The following RASAL2 variants were observed in gnomAD, a reference collection of about 807,000 sequenced individuals.
RASAL2 encodes the protein RAS protein activator like 2.
RASAL2 carries 58 observed loss-of-function variants against 128.9 expected under a neutral mutation model. That is an observed-to-expected ratio of 0.45 (90% CI 0.36 to 0.56). RASAL2 has a LOEUF of 0.56. Ranked by LOEUF, RASAL2 falls within the 20% of genes least tolerant of loss-of-function variation. The pLI, the probability that RASAL2 is intolerant of heterozygous loss-of-function variation, is 0.00. For synonymous variants in RASAL2, 561 were observed against 580.8 expected, an observed-to-expected ratio of 0.97 and a Z score of 0.49; for missense variants, 1,360 against 1,601.6, an observed-to-expected ratio of 0.85 and a Z score of 2.57.
intron 4 of RASAL2, among the ~76,000 whole-genome samples, chr1:178,392,789 C>T (rs187207673): frequency 3.3e-5 from 5 of 152,140 alleles, no homozygotes; most frequent in Non-Finnish European, 1.5e-5. Context: ...CAAGGAGAAG[C>T]CAGTGGGTAA....
chr1:178,205,509 C>A (rs1285244859), intron 1 of RASAL2, among the ~76,000 whole-genome samples: 3 of 152,014 alleles, frequency 2.0e-5, no homozygotes. Flanking sequence ...GTAATCCCAG[C>A]ACTTTGGGAG....
chr1:178,464,507 AT>A (rs1160500550), intron 15 of RASAL2, 95 bp downstream of exon 15: 1 of 1,406,754 alleles, frequency 7.1e-7, no homozygotes, highest in African/African-American at 1.4e-5. Context: ...TCCCACCCCC[AT>A]CTTCACCTCT....
At chr1:178,172,177 A>G (rs1275685034) in intron 1 of RASAL2, among the ~76,000 whole-genome samples, 1 of 152,044 alleles carries the variant, frequency 6.6e-6, no homozygotes. Flanking sequence ...AGTCCTTCAT[A>G]CCATTTTACC....
chr1:178,193,547 T>C (rs909215250), intron 1 of RASAL2, among the ~76,000 whole-genome samples: 2 of 152,146 alleles, frequency 1.3e-5, no homozygotes, highest in Admixed American at 6.5e-5. Flanking sequence ...CTTTAAACTT[T>C]CTTTAAAAAA....
At chr1:178,270,197 G>C (rs2102168595) in intron 1 of RASAL2, among the ~76,000 whole-genome samples, 1 of 151,530 alleles carries the variant, frequency 6.6e-6, no homozygotes, top group Non-Finnish European at 1.5e-5. Flanking sequence ...GATATGTTTT[G>C]GTGGTCATCT....
chr1:178,439,700 A>G, intron 6 of RASAL2, 125 bp downstream of exon 6: 1 of 820,274 alleles, frequency 1.2e-6, no homozygotes, highest in Non-Finnish European at 1.8e-6. Context: ...GTTGCTAGAA[A>G]TTATCTACTT....
chr1:178,458,187 T>C lies in RASAL2; in HGVS notation c.2895T>C (p.Ser965=). The change falls in exon 14 of 18, where the codon AGT becomes AGC. Residue 965 remains serine (S), a synonymous_variant. Coordinates refer to ENST00000367649, the MANE Select transcript of RASAL2 (RefSeq NM_170692.4). The part of the protein sequence containing the change: ...SQSNSEDFKL[S]GPSNSSMEDF... Reference sequence around the variant, plus strand: ...GTAACAGTGAAGACTTCAAGCTCAGTGGACCCAGCAATAGCAGCATGGAAG... The same window carrying C: ...GTAACAGTGAAGACTTCAAGCTCAGCGGACCCAGCAATAGCAGCATGGAAG... 1 of 1,614,188 alleles carries C rather than the reference T, an allele frequency of 6.2e-7. No homozygotes were observed. Among genetic ancestry groups the C allele is most frequent in the Non-Finnish European group, 8.5e-7 (1 of 1,180,034 alleles).
At chr1:178,233,378 A>G (rs982950292) in intron 1 of RASAL2, among the ~76,000 whole-genome samples, 6 of 152,246 alleles carry the variant, frequency 3.9e-5, no homozygotes, top group African/African-American at 1.4e-4. Flanking sequence ...ATTCAGAGAT[A>G]GGAACAAGTT....
intron 1 of RASAL2, among the ~76,000 whole-genome samples, chr1:178,161,168 T>C (rs1661279009): frequency 1.3e-5 from 2 of 152,076 alleles, no homozygotes; most frequent in African/African-American, 4.8e-5. Flanking sequence ...AAACGTACAA[T>C]TAAGTAGTTT....
chr1:178,353,332 A>G (rs944939955), intron 3 of RASAL2, among the ~76,000 whole-genome samples: 40 of 152,192 alleles, frequency 2.6e-4, no homozygotes, highest in African/African-American at 9.2e-4. Context: ...CAGATATACT[A>G]AATCATCACG....
At chr1:178,445,389 C>A in intron 8 of RASAL2, 129 bp from the exon 9 acceptor site, 1 of 1,082,400 alleles carries the variant, frequency 9.2e-7, no homozygotes, top group Non-Finnish European at 1.3e-6. Context: ...TGCTTTTTTT[C>A]CTTTCAGATG....
At position 178,452,596 on chromosome 1, in the gene RASAL2, A is replaced by C; in HGVS notation, c.1953A>C (p.Thr651=). The change falls in exon 11 of 18, where the codon ACA becomes ACC. Residue 651 remains threonine, a synonymous_variant. Coordinates refer to ENST00000367649, the MANE Select transcript of RASAL2 (RefSeq NM_170692.4). The part of the protein sequence containing the change: ...NLMQEYPDDR[T]SRTLTLIAKV... ...TGCAGGAGTATCCTGATGACCGCACATCTCGGACTCTAACTCTTATTGCCA... is the reference window on the plus strand; with the variant it reads ...TGCAGGAGTATCCTGATGACCGCACCTCTCGGACTCTAACTCTTATTGCCA... 6.2e-7 allele frequency: 1 copy of C among 1,614,062 alleles called. No homozygotes were observed. The highest frequency in any genetic ancestry group is 1.1e-5 in the South Asian group (1 of 91,068).
At chr1:178,242,388 T>C (rs1664538040) in intron 1 of RASAL2, among the ~76,000 whole-genome samples, 2 of 151,766 alleles carry the variant, frequency 1.3e-5, no homozygotes, top group East Asian at 2.0e-4. Context: ...CCATTCTTTA[T>C]GCATAGGTCT....
intron 4 of RASAL2, among the ~76,000 whole-genome samples, chr1:178,402,719 T>G (rs765882366): frequency 6.6e-6 from 1 of 152,176 alleles, no homozygotes; most frequent in Non-Finnish European, 1.5e-5. Context: ...ACATTTTGTT[T>G]CAACAGAGGC....
intron 14 of RASAL2, among the ~76,000 whole-genome samples, chr1:178,462,513 C>T (rs10798609): frequency 0.23 from 34,336 of 151,918 alleles, 6,775 homozygotes; most frequent in African/African-American, 0.54. Flanking sequence ...GAAGAACATA[C>T]TACAACAAAA....
intron 1 of RASAL2, among the ~76,000 whole-genome samples, chr1:178,246,412 G>A (rs1664768806): frequency 6.6e-6 from 1 of 152,150 alleles, no homozygotes; most frequent in African/African-American, 2.4e-5. Context: ...TTTGCACATT[G>A]ATTTTGTATC....
At chr1:178,144,869 A>C (rs182763595) in intron 1 of RASAL2, among the ~76,000 whole-genome samples, 140 of 152,338 alleles carry the variant, frequency 9.2e-4, no homozygotes, top group African/African-American at 3.3e-3. Flanking sequence ...AGAAAAATTT[A>C]GTGCTTCTTC....
intron 4 of RASAL2, among the ~76,000 whole-genome samples, chr1:178,407,055 C>T (rs1674046540): frequency 6.6e-6 from 1 of 152,078 alleles, no homozygotes; most frequent in South Asian, 2.1e-4. Flanking sequence ...CAGATCTGTG[C>T]TAGAAGAACA....
chr1:178,377,436 G>C (rs928441647), intron 3 of RASAL2, among the ~76,000 whole-genome samples: 1 of 151,950 alleles, frequency 6.6e-6, no homozygotes, highest in Admixed American at 6.6e-5. Flanking sequence ...AACAAAACTC[G>C]AAATCTAGAC....
Sources: allele counts gnomAD v4.1 joint callset (sites outside exome capture counted in the v4.1 genomes callset), GRCh38; gene constraint gnomAD v4.1.1; transcripts MANE v1.5; gene names NCBI Gene and HGNC (gene_info 2026-07-23, HGNC 2026-07-21).